SYN1: variants seen among roughly 807,000 people sequenced by gnomAD.
The protein encoded by SYN1 is synapsin-1.
SYN1 carries 8 observed loss-of-function variants against 44.6 expected under a neutral mutation model. The observed-to-expected ratio is 0.18, with a 90% CI of 0.11 to 0.32. The LOEUF (loss-of-function observed/expected upper bound fraction) is 0.32, where lower values mean the gene tolerates loss of function less well. Ranked by LOEUF, SYN1 falls within the 10% of genes least tolerant of loss-of-function variation. The probability of loss-of-function intolerance (pLI) is 1.00; values close to 1 mark genes in which losing one functional copy is unlikely to be tolerated. For synonymous variants in SYN1, 275 were observed against 280.1 expected (o/e 0.98, Z 0.18); for missense variants, 451 against 639.4 (o/e 0.71, Z 3.18).
intron 1 of SYN1, among the ~76,000 whole-genome samples, chrX:47,609,755 T>C (rs1354354358): frequency 8.9e-6 from 1 of 111,757 alleles, no homozygotes; most frequent in Non-Finnish European, 1.9e-5. Context: ...CGGGCTGTGG[T>C]GCAAGCAGGA....
chrX:47,589,276 G>T (rs1162488558), intron 5 of SYN1, among the ~76,000 whole-genome samples: 2 of 79,497 alleles, frequency 2.5e-5, no homozygotes, highest in Non-Finnish European at 4.7e-5. Flanking sequence ...CAGGCTGGGG[G>T]ATAGAGCAAG....
Position 47,619,480 on chromosome X carries a change from C to T in SYN1, c.249G>A (p.Ala83=), listed in dbSNP as rs780753887. 1.7e-6 allele frequency: 2 copies of T among 1,198,208 alleles called. No homozygotes were observed. The highest frequency in any genetic ancestry group is 2.2e-6 in the Non-Finnish European group (2 of 893,251). Residue 83 remains alanine (A), a synonymous_variant, in exon 1 of 13, where the codon GCG becomes GCA. Transcript: ENST00000295987. ...GGGFFSSLSN[A]VKQTTAAAAA... is the part of the protein sequence containing the mutation. Reference sequence around the variant, plus strand: ...CTGCCGCCGCCGTGGTCTGCTTGACCGCGTTGGACAGCGACGAGAAGAAGC... The same window carrying T: ...CTGCCGCCGCCGTGGTCTGCTTGACTGCGTTGGACAGCGACGAGAAGAAGC...
At chrX:47,597,967 C>T (rs763980888) in intron 5 of SYN1, among the ~76,000 whole-genome samples, 7 of 112,327 alleles carry the variant, frequency 6.2e-5, no homozygotes, top group Non-Finnish European at 1.3e-4. Context: ...GAAATTAAGA[C>T]ATTCACAGAT....
Position 47,593,224 on chromosome X carries a change from T to TTTTA in SYN1, c.774+11750_774+11753dup, listed in dbSNP as rs2057853657. ...GTGGTTTTGAATTTGTTTGCTAATA[T>TTTTA]TTTATTTAGGATTTTTGCATTGATA... is the stretch of plus-strand genomic sequence containing the variant. On this transcript the variant is annotated intron_variant, in intron 5 of 12. Transcript: ENST00000295987. Among the ~76,000 whole-genome samples the TTTTA allele has an allele frequency of 2.7e-5, 3 of 109,153 alleles. No individual in the cohort carries two copies. In the South Asian group the frequency reaches 1.2e-3, roughly 43 times the overall value. The allele number at this position is 109,153 out of a possible 115,157, so 94.8% of individuals were successfully genotyped here.
intron 1 of SYN1, among the ~76,000 whole-genome samples, chrX:47,614,420 A>C (rs2057925342): frequency 9.0e-6 from 1 of 111,261 alleles, no homozygotes; most frequent in Admixed American, 9.5e-5. Context: ...GGTGGGGGGA[A>C]TCTAGAATGG....
chrX:47,579,566 C>A (rs910143578), intron 5 of SYN1, among the ~76,000 whole-genome samples: 2 of 110,607 alleles, frequency 1.8e-5, no homozygotes, highest in Non-Finnish European at 3.8e-5. Flanking sequence ...ACACACCCCT[C>A]CATGAACACC....
chrX:47,577,716 C>CA (rs1412684424), intron 5 of SYN1, among the ~76,000 whole-genome samples: 2 of 110,970 alleles, frequency 1.8e-5, no homozygotes, highest in Non-Finnish European at 3.8e-5. Flanking sequence ...GTCTGTCCCT[C>CA]ACTCCACCCC....
chrX:47,603,499 A>G (rs1392435026), intron 5 of SYN1, among the ~76,000 whole-genome samples: 1 of 112,290 alleles, frequency 8.9e-6, no homozygotes, highest in Non-Finnish European at 1.9e-5. Context: ...ATAAGTACTA[A>G]TCATTTATAG....
Position 47,605,008 on chromosome X carries a change from A to G in SYN1, c.744T>C (p.Asp248=), listed in dbSNP as rs1281294205. The G allele has an allele frequency of 8.3e-7, 1 of 1,211,639 alleles. No individual in the cohort carries two copies. Among genetic ancestry groups the G allele is most frequent in the Non-Finnish European group, 1.1e-6 (1 of 895,422 alleles). The change falls in exon 5 of 13, where the codon GAT becomes GAC. Residue 248 remains aspartate, a synonymous_variant. Coordinates refer to ENST00000295987, the MANE Select transcript of SYN1 (RefSeq NM_006950.3). ...KLGTEEFPLI[D]QTFYPNHKEM... is the part of the protein sequence containing the mutation. ...CTTTGTGATTGGGGTAGAAGGTCTG[A>G]TCAATTAGAGGGAATTCTTCTGTCC...
intron 5 of SYN1, among the ~76,000 whole-genome samples, chrX:47,592,590 G>T (rs66686422): frequency 1.8e-5 from 2 of 110,572 alleles, no homozygotes; most frequent in Non-Finnish European, 3.8e-5. Context: ...AAATAAGGAC[G>T]TGAGAAGGTG....
intron 5 of SYN1, among the ~76,000 whole-genome samples, chrX:47,587,665 A>G (rs1007674988): frequency 4.5e-5 from 5 of 110,737 alleles, no homozygotes; most frequent in Non-Finnish European, 9.5e-5. Flanking sequence ...CTCGACCCTC[A>G]CCTTTATGAA....
intron 9 of SYN1, 93 bp from the exon 10 acceptor site, chrX:47,575,367 G>A: frequency 2.0e-6 from 2 of 1,021,595 alleles, no homozygotes; most frequent in South Asian, 2.1e-5. Flanking sequence ...GGGCATGGCC[G>A]CCGCTGAGCC....
In SYN1 at chrX:47,578,721, C is replaced by G. The variant is rs188897058; in HGVS notation, c.775-1220G>C. The stretch of plus-strand genomic sequence containing the variant: ...CCCCCACCCCCACAGCACAGCTGCA[C>G]AGTGCCCCTCTGGTGGCCCTCCCTC... On this transcript the variant is annotated intron_variant, in intron 5 of 12. Coordinates refer to ENST00000295987, the MANE Select transcript of SYN1 (RefSeq NM_006950.3). Among the ~76,000 whole-genome samples the G allele has an allele frequency of 4.4e-3, 495 of 111,890 alleles. 5 individuals are homozygous for G. The highest frequency in any genetic ancestry group is 0.011 in the South Asian group (30 of 2,670).
At chrX:47,582,039 T>C (rs1375742085) in intron 5 of SYN1, among the ~76,000 whole-genome samples, 1 of 112,636 alleles carries the variant, frequency 8.9e-6, no homozygotes, top group African/African-American at 3.2e-5. Context: ...TGGCACACAG[T>C]AGATGCACAA....
chrX:47,600,520 G>A (rs2057876694), intron 5 of SYN1, among the ~76,000 whole-genome samples: 1 of 111,815 alleles, frequency 8.9e-6, no homozygotes, highest in Non-Finnish European at 1.9e-5. Context: ...TTTGAAAAAT[G>A]CTATAAACCA....
chrX:47,614,572 C>G (rs67541360), intron 1 of SYN1, among the ~76,000 whole-genome samples: 33,851 of 111,266 alleles, frequency 0.3, 3,762 homozygotes, highest in Admixed American at 0.34. Flanking sequence ...AAATGCCGTT[C>G]CCCAATGGGG....
chrX:47,602,619 C>T (rs1327674525), intron 5 of SYN1, among the ~76,000 whole-genome samples: 2 of 108,533 alleles, frequency 1.8e-5, no homozygotes, highest in Non-Finnish European at 3.8e-5. Flanking sequence ...TCCAGCCTGG[C>T]GACAGAGCGA....
At chrX:47,599,553 T>C (rs1216759283) in intron 5 of SYN1, among the ~76,000 whole-genome samples, 1 of 112,786 alleles carries the variant, frequency 8.9e-6, no homozygotes, top group Admixed American at 9.4e-5. Flanking sequence ...TGTTACATTT[T>C]CTAGGATTTG....
At chrX:47,617,396 T>C (rs970265519) in intron 1 of SYN1, among the ~76,000 whole-genome samples, 5 of 111,147 alleles carry the variant, frequency 4.5e-5, no homozygotes, top group Non-Finnish European at 7.5e-5. Context: ...ATTAAGTAAA[T>C]AGTAAATTTA....
Sources: allele counts gnomAD v4.1 joint callset (sites outside exome capture counted in the v4.1 genomes callset), GRCh38; gene constraint gnomAD v4.1.1; transcripts MANE v1.5; gene names NCBI Gene and HGNC (gene_info 2026-07-23, HGNC 2026-07-21).